SUSD4: variants seen among roughly 807,000 people sequenced by gnomAD.
SUSD4 encodes the protein sushi domain containing 4.
SUSD4 carries 41 observed loss-of-function variants against 50.5 expected under a neutral mutation model. The observed-to-expected ratio is 0.81, with a 90% CI of 0.63 to 1.05. The LOEUF (loss-of-function observed/expected upper bound fraction) is 1.05, where lower values mean the gene tolerates loss of function less well. Among genes scored for constraint, SUSD4 ranks in the 50% least tolerant of loss-of-function variants. SUSD4 has a pLI of 0.00. For missense variants in SUSD4, 580 were observed against 634.7 expected (o/e 0.91, Z 0.93); for synonymous variants, 257 against 257.3 (o/e 1.00, Z 0.01).
At chr1:223,339,960 G>A (rs1043830755) in intron 2 of SUSD4, among the ~76,000 whole-genome samples, 9 of 152,144 alleles carry the variant, frequency 5.9e-5, no homozygotes, top group East Asian at 1.9e-4. Flanking sequence ...CACCGGCTCC[G>A]CTCTGGCAGA....
chr1:223,350,683 CT>C (rs1668310267), intron 2 of SUSD4, among the ~76,000 whole-genome samples: 1 of 152,168 alleles, frequency 6.6e-6, no homozygotes, highest in Non-Finnish European at 1.5e-5. Flanking sequence ...CTGTGGAGTC[CT>C]TCAGCCCTCT....
intron 2 of SUSD4, among the ~76,000 whole-genome samples, chr1:223,351,857 A>G (rs139829891): frequency 1.3e-5 from 2 of 152,302 alleles, no homozygotes; most frequent in East Asian, 1.9e-4. Context: ...AGGTCCAGGA[A>G]GCAATGGGCT....
intron 5 of SUSD4, among the ~76,000 whole-genome samples, chr1:223,262,777 G>A (rs1662211544): frequency 6.6e-6 from 1 of 152,086 alleles, no homozygotes; most frequent in African/African-American, 2.4e-5. Context: ...TATTGAAAAC[G>A]GAGATGTAAA....
intron 2 of SUSD4, among the ~76,000 whole-genome samples, chr1:223,316,062 G>A (rs527738328): frequency 1.8e-4 from 28 of 152,292 alleles, no homozygotes; most frequent in African/African-American, 6.3e-4. Context: ...GCTCAGATGT[G>A]AGACCTGCAT....
intron 2 of SUSD4, among the ~76,000 whole-genome samples, chr1:223,304,124 C>T (rs181966075): frequency 1.8e-3 from 272 of 152,238 alleles, no homozygotes; most frequent in African/African-American, 5.9e-3. Flanking sequence ...TATGAACAGG[C>T]GCCCCTCATG....
At chr1:223,225,314 T>A (rs1659442867) in intron 7 of SUSD4, among the ~76,000 whole-genome samples, 1 of 152,046 alleles carries the variant, frequency 6.6e-6, no homozygotes, top group African/African-American at 2.4e-5. Context: ...CCCAAGAAGA[T>A]GAAACGTCTG....
intron 5 of SUSD4, among the ~76,000 whole-genome samples, chr1:223,258,173 T>G (rs1216751014): frequency 2.6e-5 from 4 of 152,190 alleles, no homozygotes; most frequent in African/African-American, 9.7e-5. Flanking sequence ...GAGAAATCAC[T>G]TCAGGCGCCT....
chr1:223,249,106 T>C (rs920503670), intron 5 of SUSD4, among the ~76,000 whole-genome samples: 3 of 152,176 alleles, frequency 2.0e-5, no homozygotes, highest in African/African-American at 7.2e-5. Context: ...AAGGTGAAAA[T>C]AAATCACAAG....
intron 4 of SUSD4, among the ~76,000 whole-genome samples, chr1:223,266,347 A>AC (rs1558195641): frequency 2.0e-5 from 3 of 152,188 alleles, no homozygotes; most frequent in African/African-American, 7.2e-5. Flanking sequence ...GAGGTTGGGG[A>AC]TCAGGAATAA....
rs17163812 is a variant in SUSD4, at chr1:223,328,916, T to C, written c.148+34362A>G. The stretch of plus-strand genomic sequence containing the variant: ...ACTTTAATTTTGGCCTGGAGTTTTA[T>C]GACTATTAGCACCATTCTCCATCCA... On this transcript the variant is annotated intron_variant, in intron 2 of 8. Transcript: ENST00000366878. Among the ~76,000 whole-genome samples the C allele has an allele frequency of 7.4e-3, 1,130 of 152,348 alleles. 36 individuals are homozygous for C. In the East Asian group the frequency reaches 0.11, roughly 14 times the overall value.
In SUSD4 at chr1:223,246,470, G is replaced by A. The variant is rs1232441029; in HGVS notation, c.725-17082C>T. 3.4e-5 allele frequency among the ~76,000 whole-genome samples: 5 copies of A among 146,788 alleles called. No homozygotes were observed. The South Asian group carries it at 6.7e-4, about 20-fold the overall frequency. The stretch of plus-strand genomic sequence containing the variant: ...GGCCGGAGGGTCCAGGGAGAGCCCC[G>A]CCCCCACCCCAGAGCTCTTGATCTT... On this transcript the variant is annotated intron_variant, in intron 5 of 8. Coordinates refer to ENST00000366878, the MANE Select transcript of SUSD4 (RefSeq NM_017982.4).
At chr1:223,338,261 A>G (rs1667563334) in intron 2 of SUSD4, among the ~76,000 whole-genome samples, 1 of 152,224 alleles carries the variant, frequency 6.6e-6, no homozygotes, top group African/African-American at 2.4e-5. Flanking sequence ...GACCCCGAGG[A>G]GTGAGGCCGG....
intron 5 of SUSD4, among the ~76,000 whole-genome samples, chr1:223,241,076 G>C (rs1297008689): frequency 6.6e-6 from 1 of 152,134 alleles, no homozygotes; most frequent in African/African-American, 2.4e-5. Flanking sequence ...ATGGCTAGAG[G>C]GGGCAGGAGT....
chr1:223,333,163 C>T (rs1667268055), intron 2 of SUSD4, among the ~76,000 whole-genome samples: 1 of 152,148 alleles, frequency 6.6e-6, no homozygotes, highest in Non-Finnish European at 1.5e-5. Context: ...CAAAATGGTG[C>T]ACACACCCAC....
At chr1:223,235,524 A>G (rs561824103) in intron 5 of SUSD4, among the ~76,000 whole-genome samples, 36 of 82,258 alleles carry the variant, frequency 4.4e-4, no homozygotes, top group African/African-American at 1.7e-3. Context: ...TCATTGCCCC[A>G]CCCACCCCCA....
chr1:223,229,028 CACAGAGCCCA>C lies in SUSD4; in HGVS notation c.916+159_916+168del, dbSNP rs1659711332. 6.6e-6 allele frequency among the ~76,000 whole-genome samples: 1 copy of C among 152,006 alleles called. No homozygotes were observed. The highest frequency in any genetic ancestry group is 1.5e-5 in the Non-Finnish European group (1 of 67,990). ...CTGAACAGGACCTACAAGCATCTGGCACAGAGCCCAACAGCAGCCCCATCGACCCGCAATG... is the reference window on the plus strand; with the variant it reads ...CTGAACAGGACCTACAAGCATCTGGCACAGCAGCCCCATCGACCCGCAATG... On this transcript the variant is annotated intron_variant, in intron 6 of 8. Transcript: ENST00000366878. This position sits in a 1 kb window ranked among gnomAD's most constrained non-coding sequence, Gnocchi z 4.7.
At chr1:223,267,423 A>G (rs1038318060) in intron 4 of SUSD4, among the ~76,000 whole-genome samples, 26 of 152,170 alleles carry the variant, frequency 1.7e-4, no homozygotes, top group African/African-American at 6.0e-4. Flanking sequence ...AGCAGGTAAT[A>G]AAGTTTATTT....
intron 2 of SUSD4, among the ~76,000 whole-genome samples, chr1:223,317,526 T>C (rs1666273839): frequency 6.6e-6 from 1 of 152,144 alleles, no homozygotes; most frequent in Non-Finnish European, 1.5e-5. Flanking sequence ...TGGGACCCCT[T>C]TCCTGGAACA....
chr1:223,298,230 C>A (rs1164753972), intron 2 of SUSD4, among the ~76,000 whole-genome samples: 1 of 152,044 alleles, frequency 6.6e-6, no homozygotes, highest in Non-Finnish European at 1.5e-5. Context: ...CCCTGTTGGA[C>A]CCATCTGGAA....
Sources: allele counts gnomAD v4.1 joint callset (sites outside exome capture counted in the v4.1 genomes callset), GRCh38; gene constraint gnomAD v4.1.1; non-coding constraint Gnocchi (gnomAD v3.1); transcripts MANE v1.5; gene names NCBI Gene and HGNC (gene_info 2026-07-23, HGNC 2026-07-21).